FBN2: variants seen among roughly 807,000 people sequenced by gnomAD.
FBN2 encodes the protein fibrillin-2.
Under a neutral mutation model 355.6 loss-of-function variants are expected in FBN2, and 105 were observed. The ratio of observed to expected loss-of-function variants is 0.30; its 90% CI spans 0.25 to 0.35. FBN2 has a LOEUF of 0.35. Ranked by LOEUF, FBN2 falls within the 10% of genes least tolerant of loss-of-function variation. FBN2 has a pLI of 1.00. For missense variants in FBN2, 3,280 were observed against 3,758.7 expected, an observed-to-expected ratio of 0.87 and a Z score of 3.33; for synonymous variants, 1,350 against 1,301.2, an observed-to-expected ratio of 1.04 and a Z score of -0.81.
Position 128,366,445 on chromosome 5 carries a change from G to A in FBN2, c.2249-15C>T. On this transcript the variant is annotated splice_polypyrimidine_tract_variant and intron_variant, in intron 16 of 64. Coordinates refer to ENST00000262464, the MANE Select transcript of FBN2 (RefSeq NM_001999.4). ...GTGGAATTCAGCTGTATGACAAAAA[G>A]AAATAGAAGAATTAAAAACTTAACT... The A allele has an allele frequency of 6.3e-7, 1 of 1,575,536 alleles. No individual in the cohort carries two copies. The highest frequency in any genetic ancestry group is 8.7e-7 in the Non-Finnish European group (1 of 1,148,016).
Position 128,392,172 on chromosome 5 carries a change from C to A in FBN2, c.1466-17G>T, listed in dbSNP as rs2126977471. ...TCAGAATTGCTACGGAAAATTAAAG[C>A]ACAATTATATTTAATCATTACAACA... On this transcript the variant is annotated splice_polypyrimidine_tract_variant and intron_variant, in intron 10 of 64. Transcript: ENST00000262464. The A allele has an allele frequency of 6.2e-7, 1 of 1,608,376 alleles. No individual in the cohort carries two copies. Among genetic ancestry groups the A allele is most frequent in the Non-Finnish European group, 8.5e-7 (1 of 1,175,306 alleles).
In FBN2 at chr5:128,392,156, C is replaced by T; in HGVS notation, c.1466-1G>A. On this transcript the variant is annotated splice_acceptor_variant, in intron 10 of 64. Coordinates refer to ENST00000262464, the MANE Select transcript of FBN2 (RefSeq NM_001999.4). LOFTEE classifies it high-confidence loss of function. ...ATATCTATTGTCTGGTTCAGAATTG[C>T]TACGGAAAATTAAAGCACAATTATA... is the stretch of plus-strand genomic sequence containing the variant. The T allele has an allele frequency of 6.2e-7, 1 of 1,613,106 alleles. No homozygotes were observed. The highest frequency in any genetic ancestry group is 8.5e-7 in the Non-Finnish European group (1 of 1,179,354).
intron 22 of FBN2, 76 bp from the exon 23 acceptor site, chr5:128,349,548 T>G: frequency 2.0e-6 from 3 of 1,507,564 alleles, no homozygotes; most frequent in Non-Finnish European, 2.7e-6. Flanking sequence ...ACTTCCTGTA[T>G]AGCATTTTCA....
chr5:128,321,979 G>A (rs868615926), intron 34 of FBN2, among the ~76,000 whole-genome samples: 15 of 152,106 alleles, frequency 9.9e-5, no homozygotes, highest in Non-Finnish European at 1.6e-4. Flanking sequence ...TTTAATGATC[G>A]TCATTCTAAC....
intron 7 of FBN2, among the ~76,000 whole-genome samples, chr5:128,413,625 A>G (rs982233577): frequency 1.3e-5 from 2 of 152,174 alleles, no homozygotes; most frequent in Non-Finnish European, 2.9e-5. Context: ...AATATAATGA[A>G]TAATTTGATA....
At position 128,455,909 on chromosome 5, in the gene FBN2, C is replaced by T. The variant is rs568154470; in HGVS notation, c.826+8815G>A. Among the ~76,000 whole-genome samples, 36 of 143,646 alleles carry T rather than the reference C, an allele frequency of 2.5e-4. No individual in the cohort carries two copies. The South Asian group carries it at 7.8e-3, about 31-fold the overall frequency. 94.2% of individuals were successfully genotyped at this position (143,646 alleles called of 152,430 possible). On this transcript the variant is annotated intron_variant, in intron 6 of 64. Transcript: ENST00000262464. ...GGAATCTGCTTAAGCCTATGGAGCC[C>T]CCCGGGGGTTGTGGCGACCAGCTCC...
chr5:128,416,556 G>T (rs1753204717), intron 7 of FBN2, among the ~76,000 whole-genome samples: 1 of 152,126 alleles, frequency 6.6e-6, no homozygotes, highest in East Asian at 1.9e-4. Context: ...TTATGTTTAG[G>T]TCTTTAATCC....
chr5:128,294,647 T>A (rs1347308240), intron 48 of FBN2, among the ~76,000 whole-genome samples: 1 of 147,994 alleles, frequency 6.8e-6, no homozygotes, highest in Non-Finnish European at 1.5e-5. Flanking sequence ...TTTTGAGAAG[T>A]GTCTGTTCAT....
In FBN2 at chr5:128,305,713, G is replaced by C. The variant is rs904532749; in HGVS notation, c.5549-77C>G. On this transcript the variant is annotated intron_variant, in intron 43 of 64. Coordinates refer to ENST00000262464, the MANE Select transcript of FBN2 (RefSeq NM_001999.4). The stretch of plus-strand genomic sequence containing the variant: ...CATTACATTCACGTCACACTTTGAT[G>C]ATCAACTCTTGAAAAATTGTAGAAG... The C allele has an allele frequency of 1.0e-5, 16 of 1,598,314 alleles. No homozygotes were observed. In the East Asian group the frequency reaches 1.1e-4, roughly 11 times the overall value.
intron 5 of FBN2, among the ~76,000 whole-genome samples, chr5:128,479,522 G>A (rs1162966223): frequency 2.6e-5 from 4 of 152,112 alleles, no homozygotes; most frequent in Non-Finnish European, 5.9e-5. Flanking sequence ...CTTTAGAGAT[G>A]AGGAAACTCA....
In FBN2 at chr5:128,277,979, T is replaced by C; in HGVS notation, c.7372A>G (p.Asn2458Asp). The C allele has an allele frequency of 1.2e-6, 2 of 1,614,022 alleles. No individual in the cohort carries two copies. Among genetic ancestry groups the C allele is most frequent in the African/African-American group, 1.3e-5 (1 of 75,006 alleles). Reference protein sequence around the residue: ...RDIDECKVMPNLCTNGQCINT... With the variant: ...RDIDECKVMPDLCTNGQCINT... ...ATGCACTGACCATTGGTGCAGAGGT[T>C]TGGCATTACCTTACATTCATCAATA... The change falls in exon 58 of 65, where the codon AAC (asparagine) becomes GAC (aspartate). Residue 2458 changes from asparagine (N) to aspartate (D), a missense_variant. By Grantham distance (23) the Asn-to-Asp change is conservative. Coordinates refer to ENST00000262464, the MANE Select transcript of FBN2 (RefSeq NM_001999.4).
At chr5:128,508,701 A>G (rs1317539498) in intron 5 of FBN2, among the ~76,000 whole-genome samples, 1 of 152,022 alleles carries the variant, frequency 6.6e-6, no homozygotes, top group Admixed American at 6.6e-5. Flanking sequence ...TATTTTTCAA[A>G]GAATATTCAA....
Position 128,277,875 on chromosome 5 carries a change from G to A in FBN2, c.7471+5C>T, listed in dbSNP as rs369559870. On this transcript the variant is annotated splice_donor_5th_base_variant and intron_variant, in intron 58 of 64. Transcript: ENST00000262464. Reference sequence around the variant, plus strand: ...ACCCCTGGATATAGAGGTGCCCATCGTTACCTATACAAGAGGTTCCACTGA... The same window carrying A: ...ACCCCTGGATATAGAGGTGCCCATCATTACCTATACAAGAGGTTCCACTGA... 5.6e-6 allele frequency: 9 copies of A among 1,614,038 alleles called. No homozygotes were observed. The highest frequency in any genetic ancestry group is 1.6e-4 in the Middle Eastern group (1 of 6,062).
rs1159546470 is a variant in FBN2, at chr5:128,396,854, T to C, written c.1079-1580A>G. Among the ~76,000 whole-genome samples the C allele has an allele frequency of 2.6e-5, 4 of 152,350 alleles. No homozygotes were observed. In the East Asian group the frequency reaches 7.7e-4, roughly 29 times the overall value. ...AAGATGTACCACAGCAATCAGGATC[T>C]GCATATCAATAATGAAGATGAAACT... On this transcript the variant is annotated intron_variant, in intron 8 of 64. Coordinates refer to ENST00000262464, the MANE Select transcript of FBN2 (RefSeq NM_001999.4).
chr5:128,428,671 GCA>G (rs1470828376), intron 7 of FBN2, among the ~76,000 whole-genome samples: 5 of 152,246 alleles, frequency 3.3e-5, no homozygotes, highest in Admixed American at 6.5e-5. Context: ...TTCTGACATA[GCA>G]CAGACTTTAG....
At chr5:128,454,967 C>A (rs930332527) in intron 6 of FBN2, among the ~76,000 whole-genome samples, 1 of 152,056 alleles carries the variant, frequency 6.6e-6, no homozygotes, top group Non-Finnish European at 1.5e-5. Flanking sequence ...AGTTTAAAAG[C>A]CTAATCCCTA....
At chr5:128,492,895 A>G (rs1267494958) in intron 5 of FBN2, among the ~76,000 whole-genome samples, 1 of 152,048 alleles carries the variant, frequency 6.6e-6, no homozygotes, top group Non-Finnish European at 1.5e-5. Flanking sequence ...TTTATTTTGA[A>G]TTAAAATTAA....
intron 14 of FBN2, 151 bp from the exon 15 acceptor site, chr5:128,374,901 T>C: frequency 1.3e-6 from 1 of 781,774 alleles, no homozygotes; most frequent in Non-Finnish European, 2.1e-6. Flanking sequence ...AGGTATCATA[T>C]ACAAATGCAA....
chr5:128,270,939 T>C (rs1157046917), intron 62 of FBN2, among the ~76,000 whole-genome samples: 2 of 152,178 alleles, frequency 1.3e-5, no homozygotes, highest in African/African-American at 2.4e-5. Flanking sequence ...TTTTTGAAAC[T>C]GTCTTGTCTT....
Sources: allele counts gnomAD v4.1 joint callset (sites outside exome capture counted in the v4.1 genomes callset), GRCh38; gene constraint gnomAD v4.1.1; transcripts MANE v1.5; gene names NCBI Gene and HGNC (gene_info 2026-07-23, HGNC 2026-07-21).